Variants in IL1RAPL1 observed in about 807,000 individuals in gnomAD.
IL1RAPL1 encodes the protein interleukin-1 receptor accessory protein-like 1.
Under a neutral mutation model 48.4 loss-of-function variants are expected in IL1RAPL1, and 3 were observed. The observed-to-expected ratio is 0.06, with a 90% CI of 0.03 to 0.16. The LOEUF (loss-of-function observed/expected upper bound fraction) is 0.16. IL1RAPL1 is among the 10% of genes least tolerant of loss of function. The pLI is 1.00. For synonymous variants in IL1RAPL1, 185 were observed against 187.7 expected, an observed-to-expected ratio of 0.99 and a Z score of 0.12; for missense variants, 349 against 530.6, an observed-to-expected ratio of 0.66 and a Z score of 3.36.
intron 2 of IL1RAPL1, among the ~76,000 whole-genome samples, chrX:29,096,835 C>A (rs952771810): frequency 2.7e-5 from 3 of 110,861 alleles, no homozygotes; most frequent in Non-Finnish European, 5.7e-5. Flanking sequence ...AAAGCACGTA[C>A]CTTGGTCATC....
In IL1RAPL1 at chrX:28,728,787, A is replaced by T. The variant is rs1397970782; in HGVS notation, c.-24-60533A>T. 8.1e-5 allele frequency among the ~76,000 whole-genome samples: 9 copies of T among 111,686 alleles called. No homozygotes were observed. In the East Asian group the frequency reaches 2.5e-3, roughly 31 times the overall value. On this transcript the variant is annotated intron_variant, in intron 1 of 10. Coordinates refer to ENST00000378993, the MANE Select transcript of IL1RAPL1 (RefSeq NM_014271.4). ...TAATGAATATAAACTCATTATATAG[A>T]TGAAGAAGCTGAGTTGCAAAGAAGT... is the stretch of plus-strand genomic sequence containing the variant.
chrX:29,457,905 A>G (rs1934758243), intron 5 of IL1RAPL1, among the ~76,000 whole-genome samples: 1 of 111,786 alleles, frequency 8.9e-6, no homozygotes, highest in Non-Finnish European at 1.9e-5. Context: ...TGTGGATCAT[A>G]TCTTATTGTG....
intron 1 of IL1RAPL1, among the ~76,000 whole-genome samples, chrX:28,764,866 A>G (rs1936217801): frequency 9.0e-6 from 1 of 110,647 alleles, no homozygotes; most frequent in African/African-American, 3.3e-5. Flanking sequence ...ATGTTTATTG[A>G]GACACTTTTC....
intron 2 of IL1RAPL1, among the ~76,000 whole-genome samples, chrX:29,147,850 T>C (rs1008062557): frequency 1.8e-5 from 2 of 112,278 alleles, no homozygotes; most frequent in African/African-American, 6.5e-5. Flanking sequence ...TCAAAGTGTG[T>C]GATCATTGTC....
chrX:29,598,851 A>T (rs1923633513), intron 5 of IL1RAPL1, among the ~76,000 whole-genome samples: 1 of 110,609 alleles, frequency 9.0e-6, no homozygotes, highest in Admixed American at 9.6e-5. Flanking sequence ...AGCTACCCGT[A>T]CTCCTCACTT....
At chrX:28,919,051 C>G (rs1319748523) in intron 2 of IL1RAPL1, among the ~76,000 whole-genome samples, 1 of 111,565 alleles carries the variant, frequency 9.0e-6, no homozygotes, top group African/African-American at 3.3e-5. Flanking sequence ...CCCCAAAATA[C>G]TTATTTACTC....
chrX:28,745,312 G>A (rs774016722), intron 1 of IL1RAPL1, among the ~76,000 whole-genome samples: 5 of 111,400 alleles, frequency 4.5e-5, no homozygotes, highest in Non-Finnish European at 7.5e-5. Context: ...CTTCCATGCC[G>A]TGGAAAAGAC....
At chrX:28,666,427 G>A (rs1011930412) in intron 1 of IL1RAPL1, among the ~76,000 whole-genome samples, 1 of 111,299 alleles carries the variant, frequency 9.0e-6, no homozygotes, top group Non-Finnish European at 1.9e-5. Flanking sequence ...AAGAAGAAAC[G>A]GGACAAAGAA....
At chrX:29,945,209 C>T (rs1017766342) in intron 9 of IL1RAPL1, among the ~76,000 whole-genome samples, 6 of 111,695 alleles carry the variant, frequency 5.4e-5, no homozygotes, top group Admixed American at 9.5e-5. Flanking sequence ...CCCCTTAGAG[C>T]CTCCTATACA....
intron 1 of IL1RAPL1, among the ~76,000 whole-genome samples, chrX:28,701,685 GCC>G (rs1203743576): frequency 1.8e-5 from 2 of 111,425 alleles, no homozygotes; most frequent in Admixed American, 9.6e-5. Context: ...CCTGCTTACA[GCC>G]CATGTAGGAA....
rs968591618 is a variant in IL1RAPL1, at chrX:29,895,453, G to C, written c.779-22011G>C. ...TGTAATCCCAGCTACTTGGGAGGCT[G>C]AGGCAGGAGAATTGCTTGGAGGTGG... On this transcript the variant is annotated intron_variant, in intron 6 of 10. Transcript: ENST00000378993. 1.1e-4 allele frequency among the ~76,000 whole-genome samples: 12 copies of C among 112,168 alleles called. No individual in the cohort carries two copies. The Admixed American group carries it at 1.1e-3, about 11-fold the overall frequency.
chrX:29,598,784 C>T (rs1264174994), intron 5 of IL1RAPL1, among the ~76,000 whole-genome samples: 5 of 111,648 alleles, frequency 4.5e-5, no homozygotes, highest in Non-Finnish European at 7.5e-5. Context: ...TATAATGTCC[C>T]TCTTTGTGTT....
At chrX:29,536,994 A>G in intron 5 of IL1RAPL1, among the ~76,000 whole-genome samples, 1 of 110,948 alleles carries the variant, frequency 9.0e-6, no homozygotes, top group Admixed American at 9.6e-5. Context: ...TAATAAAATT[A>G]TATAAACAAA....
chrX:28,695,504 CTT>C (rs1261034321), intron 1 of IL1RAPL1, among the ~76,000 whole-genome samples: 4 of 111,754 alleles, frequency 3.6e-5, no homozygotes, highest in Admixed American at 9.6e-5. Context: ...AAGTTGGAGT[CTT>C]TACATTTTAA....
intron 6 of IL1RAPL1, among the ~76,000 whole-genome samples, chrX:29,680,430 A>C (rs1316179925): frequency 9.0e-6 from 1 of 111,044 alleles, no homozygotes; most frequent in East Asian, 2.8e-4. Flanking sequence ...ATACAGATCT[A>C]AATTTTGGAC....
At chrX:28,903,424 C>CTTTTTTTTTTTTTTTTTT (rs199661606) in intron 2 of IL1RAPL1, among the ~76,000 whole-genome samples, 1 of 100,134 alleles carries the variant, frequency 1.0e-5, no homozygotes. Context: ...TTCTTTCTTT[C>CTTTTTTTTTTTTTTTTTT]TTTTTTTTTT....
chrX:28,789,641 A>G (rs1408810257), intron 2 of IL1RAPL1, among the ~76,000 whole-genome samples: 2 of 112,176 alleles, frequency 1.8e-5, no homozygotes, highest in African/African-American at 6.5e-5. Context: ...ATCGATTACT[A>G]TGAATTGGCA....
At chrX:29,363,085 GTGTTCTTAACCACCGTGC>G (rs1338221649) in intron 3 of IL1RAPL1, among the ~76,000 whole-genome samples, 2 of 111,753 alleles carry the variant, frequency 1.8e-5, no homozygotes, top group Non-Finnish European at 3.8e-5. Flanking sequence ...TCCAGAGGGT[GTGTTCTTAACCACCGTGC>G]TGTGAGTAAA....
chrX:28,865,754 T>C (rs1922063250), intron 2 of IL1RAPL1, among the ~76,000 whole-genome samples: 1 of 111,800 alleles, frequency 8.9e-6, no homozygotes, highest in South Asian at 3.8e-4. Flanking sequence ...CAAAGCAAGT[T>C]ACAAGGAAAG....
Sources: gnomAD v4.1 joint callset for allele counts (sites outside exome capture counted in the v4.1 genomes callset) on GRCh38, gnomAD v4.1.1 for gene constraint, MANE v1.5 for transcripts, NCBI Gene and HGNC (gene_info 2026-07-23, HGNC 2026-07-21) for gene names.